The following GFOD1 variants were observed in gnomAD, a reference collection of about 807,000 sequenced individuals.
GFOD1 encodes Gfo/Idh/MocA-like oxidoreductase domain containing 1, also known as glucose-fructose oxidoreductase domain-containing protein 1.
A neutral mutation model predicts 25.4 loss-of-function variants in GFOD1; 9 were observed. The observed-to-expected ratio is 0.35, with a 90% CI of 0.21 to 0.62. GFOD1 has a LOEUF of 0.62. Ranked by LOEUF, GFOD1 falls within the 20% of genes least tolerant of loss-of-function variation. The pLI is 0.72. For missense variants in GFOD1, 403 were observed against 556.9 expected, an observed-to-expected ratio of 0.72 and a Z score of 2.78; for synonymous variants, 253 against 245.6, an observed-to-expected ratio of 1.03 and a Z score of -0.28.
intron 1 of GFOD1, among the ~76,000 whole-genome samples, chr6:13,404,608 A>C (rs547932670): frequency 6.6e-6 from 1 of 152,330 alleles, no homozygotes; most frequent in African/African-American, 2.4e-5. Context: ...CTATCCCAGC[A>C]TCTCCCAGAA....
intron 1 of GFOD1, 144 bp downstream of exon 1, chr6:13,486,494 C>A (rs1229633433): frequency 3.4e-5 from 24 of 706,464 alleles, no homozygotes; most frequent in Non-Finnish European, 5.1e-5. Context: ...AGCTCTGAGT[C>A]GGATCTGGGA....
intron 1 of GFOD1, among the ~76,000 whole-genome samples, chr6:13,366,632 C>T (rs1174704103): frequency 6.6e-6 from 1 of 151,604 alleles, no homozygotes; most frequent in African/African-American, 2.4e-5. Flanking sequence ...CTGCGCCCAG[C>T]CATTTTTTTT....
intron 1 of GFOD1, among the ~76,000 whole-genome samples, chr6:13,455,773 T>G (rs1758177092): frequency 6.6e-6 from 1 of 152,192 alleles, no homozygotes; most frequent in Non-Finnish European, 1.5e-5. Context: ...TGCCTGCACT[T>G]AGGCACTGGA....
chr6:13,471,461 G>C (rs1758503818), intron 1 of GFOD1, among the ~76,000 whole-genome samples: 1 of 152,164 alleles, frequency 6.6e-6, no homozygotes, highest in Admixed American at 6.5e-5. Context: ...ATAAACCTGA[G>C]GGAAGGCGGG....
At chr6:13,474,003 T>G (rs1046069718) in intron 1 of GFOD1, among the ~76,000 whole-genome samples, 1 of 152,190 alleles carries the variant, frequency 6.6e-6, no homozygotes, top group African/African-American at 2.4e-5. Flanking sequence ...TCACCAGCTC[T>G]TAGAGGAAGC....
intron 1 of GFOD1, among the ~76,000 whole-genome samples, chr6:13,384,973 C>A (rs922586345): frequency 6.6e-6 from 1 of 152,154 alleles, no homozygotes; most frequent in Non-Finnish European, 1.5e-5. Flanking sequence ...TCTCAAAAGG[C>A]AGACTCACAG....
chr6:13,432,535 T>C (rs566742977), intron 1 of GFOD1, among the ~76,000 whole-genome samples: 1 of 152,140 alleles, frequency 6.6e-6, no homozygotes, highest in South Asian at 2.1e-4. Flanking sequence ...ACAAGAACCT[T>C]AGGAAGAAAA....
At chr6:13,479,817 A>G (rs1429675574) in intron 1 of GFOD1, among the ~76,000 whole-genome samples, 1 of 152,230 alleles carries the variant, frequency 6.6e-6, no homozygotes, top group East Asian at 1.9e-4. Flanking sequence ...CGACAAATTG[A>G]TAGACCAAAA....
intron 1 of GFOD1, among the ~76,000 whole-genome samples, chr6:13,443,868 C>A (rs1757957996): frequency 6.7e-6 from 1 of 150,104 alleles, no homozygotes; most frequent in Non-Finnish European, 1.5e-5. Context: ...CTTCAGCAAC[C>A]AGCACCCTAA....
rs147140485 is a variant in GFOD1, at chr6:13,409,213, A to AAG, written c.254-43553_254-43552dup. ...AGAAAGAAAGAAAGAGAAAGAAGGA[A>AAG]AGAGAGAGAGAGGAAGGAAGGAAGG... On this transcript the variant is annotated intron_variant, in intron 1 of 1. Coordinates refer to ENST00000379287, the MANE Select transcript of GFOD1 (RefSeq NM_018988.4). Among the ~76,000 whole-genome samples, 7 of 57,582 alleles carry AAG rather than the reference A, an allele frequency of 1.2e-4. 1 individual carries two copies. The highest frequency in any genetic ancestry group is 2.6e-4 in the African/African-American group (7 of 26,986). The allele number at this position is 57,582 out of a possible 152,430, so 37.8% of individuals were successfully genotyped here.
intron 1 of GFOD1, among the ~76,000 whole-genome samples, chr6:13,431,489 C>G (rs1025052863): frequency 1.3e-5 from 2 of 152,232 alleles, no homozygotes; most frequent in African/African-American, 4.8e-5. Context: ...TTCAGTTTCT[C>G]TGTGATCTTT....
At chr6:13,459,098 T>G (rs1758244860) in intron 1 of GFOD1, among the ~76,000 whole-genome samples, 3 of 152,208 alleles carry the variant, frequency 2.0e-5, no homozygotes, top group African/African-American at 7.2e-5. Flanking sequence ...GGCTCTGCTC[T>G]GATGAGTGGG....
chr6:13,420,586 G>A (rs913735592), intron 1 of GFOD1, among the ~76,000 whole-genome samples: 1 of 152,218 alleles, frequency 6.6e-6, no homozygotes, highest in East Asian at 1.9e-4. Context: ...CAAAAGGCAC[G>A]TGTTTTCTTC....
chr6:13,379,029 C>T (rs910420227), intron 1 of GFOD1, among the ~76,000 whole-genome samples: 3 of 152,224 alleles, frequency 2.0e-5, no homozygotes, highest in Non-Finnish European at 2.9e-5. Flanking sequence ...GCTCCACCCA[C>T]AGCAGGTGGT....
intron 1 of GFOD1, among the ~76,000 whole-genome samples, chr6:13,391,790 G>C (rs558874357): frequency 1.8e-4 from 28 of 152,246 alleles, no homozygotes; most frequent in African/African-American, 6.5e-4. Flanking sequence ...TAAGGGTATC[G>C]ACTTCATTGG....
intron 1 of GFOD1, among the ~76,000 whole-genome samples, chr6:13,443,846 A>G (rs1562220860): frequency 6.7e-6 from 1 of 149,736 alleles, no homozygotes; most frequent in East Asian, 2.0e-4. Context: ...AAATCATCAC[A>G]GCTACCCCAA....
intron 1 of GFOD1, among the ~76,000 whole-genome samples, chr6:13,473,200 C>T (rs1380902087): frequency 1.3e-5 from 2 of 152,124 alleles, no homozygotes; most frequent in Non-Finnish European, 2.9e-5. Context: ...TGCAGCCAGC[C>T]CTGACCCTTG....
chr6:13,400,473 T>G (rs1785820366), intron 1 of GFOD1, among the ~76,000 whole-genome samples: 1 of 152,208 alleles, frequency 6.6e-6, no homozygotes, highest in African/African-American at 2.4e-5. Context: ...CCTCCTGTTA[T>G]GAGGCTCACT....
At chr6:13,418,320 A>G (rs1786196092) in intron 1 of GFOD1, among the ~76,000 whole-genome samples, 1 of 152,258 alleles carries the variant, frequency 6.6e-6, no homozygotes, top group South Asian at 2.1e-4. Flanking sequence ...GAATTGTCCC[A>G]TTCTCATTAA....
Sources: gnomAD v4.1 joint callset for allele counts (sites outside exome capture counted in the v4.1 genomes callset) on GRCh38, gnomAD v4.1.1 for gene constraint, MANE v1.5 for transcripts, NCBI Gene and HGNC (gene_info 2026-07-23, HGNC 2026-07-21) for gene names.